DNAJC5B: variants seen among roughly 807,000 people sequenced by gnomAD.
DNAJC5B encodes the protein dnaJ homolog subfamily C member 5B.
Under a neutral mutation model 24.7 loss-of-function variants are expected in DNAJC5B, and 23 were observed. That is an observed-to-expected ratio of 0.93 (90% CI 0.67 to 1.32). The LOEUF (loss-of-function observed/expected upper bound fraction) is 1.32, where lower values mean the gene tolerates loss of function less well. Ranked by LOEUF, DNAJC5B falls within the 40% of genes most tolerant of loss-of-function variation. DNAJC5B has a pLI of 0.00. For missense variants in DNAJC5B, 238 were observed against 240.8 expected, an observed-to-expected ratio of 0.99 and a Z score of 0.08; for synonymous variants, 101 against 90.1, an observed-to-expected ratio of 1.12 and a Z score of -0.68.
At chr8:66,084,083 A>G (rs1199688042) in intron 5 of DNAJC5B, among the ~76,000 whole-genome samples, 1 of 152,214 alleles carries the variant, frequency 6.6e-6, no homozygotes, top group Non-Finnish European at 1.5e-5. Flanking sequence ...ATAAGGAACT[A>G]TGCCTTATTT....
chr8:66,030,264 A>G (rs1040207032), intron 1 of DNAJC5B, among the ~76,000 whole-genome samples: 12 of 152,182 alleles, frequency 7.9e-5, no homozygotes, highest in African/African-American at 2.9e-4. Context: ...CAGAAAATCA[A>G]CTGTGTCCTT....
intron 3 of DNAJC5B, chr8:66,057,978 A>G (rs910743691): frequency 2.0e-5 from 3 of 152,296 alleles, no homozygotes; most frequent in Non-Finnish European, 4.4e-5. Context: ...ATCAGGAAGA[A>G]GGAAAGAACA....
chr8:66,018,383 TG>T (rs71713232), upstream of DNAJC5B, among the ~76,000 whole-genome samples: 18 of 150,738 alleles, frequency 1.2e-4, no homozygotes, highest in East Asian at 1.0e-3. Flanking sequence ...CTGGGCGTGG[TG>T]GGGGGGGTGC....
intron 1 of DNAJC5B, among the ~76,000 whole-genome samples, chr8:66,028,332 T>C (rs774353994): frequency 3.9e-5 from 6 of 152,178 alleles, no homozygotes; most frequent in Non-Finnish European, 8.8e-5. Flanking sequence ...TAATTCACTT[T>C]GCTTCATTGG....
chr8:66,031,365 AAAC>A (rs371359021), intron 1 of DNAJC5B, among the ~76,000 whole-genome samples: 9 of 152,174 alleles, frequency 5.9e-5, no homozygotes, highest in African/African-American at 2.2e-4. Context: ...CCTACCTCTT[AAAC>A]AACATAATTT....
chr8:66,065,776 C>G (rs1433789671), intron 3 of DNAJC5B, among the ~76,000 whole-genome samples: 2 of 152,032 alleles, frequency 1.3e-5, no homozygotes, highest in Admixed American at 6.6e-5. Context: ...CATAAGACTG[C>G]CCAGGGGCTT....
chr8:66,065,390 G>A (rs10106062), intron 3 of DNAJC5B, among the ~76,000 whole-genome samples: 6,537 of 152,320 alleles, frequency 0.043, 469 homozygotes, highest in African/African-American at 0.15. Context: ...CTTGAATCAT[G>A]TACTATGGTA....
At chr8:66,034,266 G>A (rs1806430978) in intron 1 of DNAJC5B, among the ~76,000 whole-genome samples, 2 of 151,416 alleles carry the variant, frequency 1.3e-5, no homozygotes, top group African/African-American at 4.9e-5. Flanking sequence ...GAGTGGTGGA[G>A]AATGGTAAAA....
chr8:66,039,977 T>C (rs920715438), intron 1 of DNAJC5B, among the ~76,000 whole-genome samples: 1 of 152,216 alleles, frequency 6.6e-6, no homozygotes, highest in Non-Finnish European at 1.5e-5. Context: ...TCTATGTATA[T>C]AAACGTTCTT....
intron 1 of DNAJC5B, among the ~76,000 whole-genome samples, chr8:66,032,907 T>C (rs1806390161): frequency 6.6e-6 from 1 of 152,250 alleles, no homozygotes; most frequent in South Asian, 2.1e-4. Context: ...TTTGACTCCC[T>C]GCAGCACTCT....
chr8:66,030,848 G>A (rs1033169301), intron 1 of DNAJC5B, among the ~76,000 whole-genome samples: 1 of 152,076 alleles, frequency 6.6e-6, no homozygotes, highest in African/African-American at 2.4e-5. Context: ...TGTTGGCCAG[G>A]CTGGTCTTGA....
chr8:66,043,821 C>CTTTT (rs11449089), intron 2 of DNAJC5B, among the ~76,000 whole-genome samples: 2 of 130,642 alleles, frequency 1.5e-5, no homozygotes, highest in Admixed American at 7.7e-5. Context: ...TGAAAAGAAC[C>CTTTT]TTTTTTTTTT....
intron 5 of DNAJC5B, among the ~76,000 whole-genome samples, chr8:66,092,428 G>A (rs1203403259): frequency 6.6e-6 from 1 of 152,114 alleles, no homozygotes; most frequent in Admixed American, 6.5e-5. Context: ...AGGACAGAGG[G>A]CTGTGGAGTC....
chr8:66,040,260 C>T lies in DNAJC5B; in HGVS notation c.-141-3228C>T, dbSNP rs368944702. Among the ~76,000 whole-genome samples, 63 of 152,092 alleles carry T rather than the reference C, an allele frequency of 4.1e-4. No individual in the cohort carries two copies. In the East Asian group the frequency reaches 5.3e-3, roughly 13 times the overall value. On this transcript the variant is annotated intron_variant, in intron 1 of 5. Coordinates refer to ENST00000276570, the MANE Select transcript of DNAJC5B (RefSeq NM_033105.6). The stretch of plus-strand genomic sequence containing the variant: ...AAAAAATTAGCCAGGAGTGGTGACA[C>T]GTGCCTGTAGTCCCAGCTACTTGGG...
chr8:66,094,420 A>G (rs1807907920), intron 5 of DNAJC5B, among the ~76,000 whole-genome samples: 1 of 152,046 alleles, frequency 6.6e-6, no homozygotes, highest in Non-Finnish European at 1.5e-5. Context: ...AATCAATTAT[A>G]TATGTATTTT....
At chr8:66,036,752 T>C (rs1298458619) in intron 1 of DNAJC5B, among the ~76,000 whole-genome samples, 1 of 152,244 alleles carries the variant, frequency 6.6e-6, no homozygotes, top group Non-Finnish European at 1.5e-5. Context: ...CAAATTTTTT[T>C]TTCTTTTTAA....
intron 1 of DNAJC5B, among the ~76,000 whole-genome samples, chr8:66,027,116 C>T (rs1170330439): frequency 2.0e-5 from 3 of 152,154 alleles, no homozygotes; most frequent in Non-Finnish European, 4.4e-5. Flanking sequence ...AGTTGTGGTC[C>T]CATTATTCCA....
At chr8:66,027,733 T>C (rs771924166) in intron 1 of DNAJC5B, among the ~76,000 whole-genome samples, 1 of 152,174 alleles carries the variant, frequency 6.6e-6, no homozygotes, top group Non-Finnish European at 1.5e-5. Flanking sequence ...GATATGTTCC[T>C]CTGCATGGTA....
intron 3 of DNAJC5B, among the ~76,000 whole-genome samples, chr8:66,072,367 T>A (rs1807369673): frequency 6.6e-6 from 1 of 152,082 alleles, no homozygotes; most frequent in African/African-American, 2.4e-5. Flanking sequence ...ATCAATAAAA[T>A]GGCTAAGGAT....
Sources: allele counts gnomAD v4.1 joint callset (sites outside exome capture counted in the v4.1 genomes callset), GRCh38; gene constraint gnomAD v4.1.1; transcripts MANE v1.5; gene names NCBI Gene and HGNC (gene_info 2026-07-23, HGNC 2026-07-21).